Variants in MEP1A observed in about 807,000 individuals in gnomAD.
MEP1A encodes the protein N-benzoyl-L-tyrosyl-P-amino-benzoic acid hydrolase subunit alpha.
A neutral mutation model predicts 84.5 loss-of-function variants in MEP1A; 68 were observed. The ratio of observed to expected loss-of-function variants is 0.80; its 90% CI spans 0.66 to 0.98. The LOEUF (loss-of-function observed/expected upper bound fraction) is 0.98, where lower values mean the gene tolerates loss of function less well. MEP1A is among the 50% of genes least tolerant of loss of function. The pLI is 0.00. For synonymous variants in MEP1A, 337 were observed against 336.8 expected (o/e 1.00, Z -0.01); for missense variants, 887 against 919.9 (o/e 0.96, Z 0.46).
At position 46,799,316 on chromosome 6, in the gene MEP1A, T is replaced by C. The variant is rs569773387; in HGVS notation, c.262+135T>C. On this transcript the variant is annotated intron_variant, in intron 5 of 13. Coordinates refer to ENST00000230588, the MANE Select transcript of MEP1A (RefSeq NM_005588.3). Reference sequence around the variant, plus strand: ...CAAGTCCTGATGCATCTTTATCTAATGGGGAGAAAGACATAACATTACATC... The same window carrying C: ...CAAGTCCTGATGCATCTTTATCTAACGGGGAGAAAGACATAACATTACATC... 8.6e-5 allele frequency: 55 copies of C among 642,262 alleles called. 1 individual carries two copies. The South Asian group carries it at 1.0e-3, about 12-fold the overall frequency. 39.8% of individuals were successfully genotyped at this position (642,262 alleles called of 1,614,324 possible).
chr6:46,844,596 A>G (rs1311612332), downstream of MEP1A, among the ~76,000 whole-genome samples: 1 of 152,178 alleles, frequency 6.6e-6, no homozygotes, highest in African/African-American at 2.4e-5. Flanking sequence ...CAAGAGAATA[A>G]AAGGAGAATA....
chr6:46,799,220 A>ACT (rs748581003), intron 5 of MEP1A, 39 bp downstream of exon 5: 5 of 1,347,896 alleles, frequency 3.7e-6, no homozygotes, highest in Non-Finnish European at 5.3e-6. Flanking sequence ...TTTCAGTTTA[A>ACT]CTCTCTCTCT....
At chr6:46,841,910 T>G (rs1236809494), downstream of MEP1A, among the ~76,000 whole-genome samples, 1 of 152,240 alleles carries the variant, frequency 6.6e-6, no homozygotes, top group African/African-American at 2.4e-5. Context: ...GGACCTCGAA[T>G]GGAGGGACCA....
intron 9 of MEP1A, among the ~76,000 whole-genome samples, chr6:46,828,028 C>T (rs148700354): frequency 2.0e-5 from 3 of 152,254 alleles, no homozygotes; most frequent in East Asian, 3.9e-4. Flanking sequence ...CAGGTGGATG[C>T]GTAGACACAA....
chr6:46,829,947 G>C (rs1201725078), intron 10 of MEP1A, among the ~76,000 whole-genome samples: 3 of 152,044 alleles, frequency 2.0e-5, no homozygotes, highest in Non-Finnish European at 4.4e-5. Flanking sequence ...AATTGATGCT[G>C]CGGGAGAGAG....
At chr6:46,834,494 A>T (rs1768164769) in intron 11 of MEP1A, 84 bp from the exon 12 acceptor site, 1 of 456,560 alleles carries the variant, frequency 2.2e-6, no homozygotes. Context: ...TCTGATTCAC[A>T]AAGCCCTGTA....
rs1453389647 is a variant in MEP1A, at chr6:46,819,686, T to C, written c.538T>C (p.Trp180Arg). The change falls in exon 7 of 14, where the codon TGG becomes CGG. Residue 180 changes from tryptophan (W) to arginine (R), a missense_variant. Transcript: ENST00000230588. Reference protein sequence around the residue: ...TDRDDYVNIWWDQILSGYQHN... With the variant: ...TDRDDYVNIWRDQILSGYQHN... Reference sequence around the variant, plus strand: ...CCGGGATGATTATGTGAACATCTGGTGGGACCAAATTCTTTCAGGTGTGAT... The same window carrying C: ...CCGGGATGATTATGTGAACATCTGGCGGGACCAAATTCTTTCAGGTGTGAT... 1 of 1,613,852 alleles carries C rather than the reference T, an allele frequency of 6.2e-7. No homozygotes were observed.
At chr6:46,830,953 TG>T (rs1768061636) in intron 10 of MEP1A, among the ~76,000 whole-genome samples, 1 of 152,228 alleles carries the variant, frequency 6.6e-6, no homozygotes, top group Admixed American at 6.5e-5. Context: ...ATAATATTGA[TG>T]GGACCTATTA....
intron 13 of MEP1A, among the ~76,000 whole-genome samples, chr6:46,838,362 A>T (rs1768263015): frequency 6.6e-6 from 1 of 152,240 alleles, no homozygotes; most frequent in Non-Finnish European, 1.5e-5. Flanking sequence ...ACCAGATAAC[A>T]TTAAGAAACA....
At chr6:46,845,236 G>T in the MEP1A span, among the ~76,000 whole-genome samples, 7 of 152,190 alleles carry the variant, frequency 4.6e-5, no homozygotes, top group Middle Eastern at 3.2e-3. Context: ...GATCTTCTGG[G>T]AACCTTTCCT....
rs763588618 is a variant in MEP1A at position 46,835,407 on chromosome 6, C to T, written c.1942C>T (p.Pro648Ser). ...ALPVSLSQGQ[P>S]SRQKRSVENT... The stretch of plus-strand genomic sequence containing the variant: ...ACCTGTCAGCCTGAGCCAGGGGCAG[C>T]CCAGCCGACAGAAGCGGTCGGTGGA... Residue 648 changes from proline to serine, a missense_variant, in exon 13 of 14, where the codon CCC (proline) becomes TCC (serine). Transcript: ENST00000230588. 2.5e-6 allele frequency: 4 copies of T among 1,612,236 alleles called. No homozygotes were observed. The highest frequency in any genetic ancestry group is 2.5e-6 in the Non-Finnish European group (3 of 1,179,260).
chr6:46,832,511 A>G (rs1356870846), intron 10 of MEP1A, among the ~76,000 whole-genome samples: 2 of 152,142 alleles, frequency 1.3e-5, no homozygotes, highest in East Asian at 3.9e-4. Flanking sequence ...TTGCTCCCCT[A>G]CATGGTGGAC....
intron 3 of MEP1A, 121 bp downstream of exon 3, chr6:46,793,837 T>C (rs944440803): frequency 6.8e-6 from 5 of 732,440 alleles, no homozygotes; most frequent in Admixed American, 6.7e-5. Context: ...TATTTTTTGG[T>C]GCTTTGTGAG....
chr6:46,827,908 A>G (rs1458883639), intron 9 of MEP1A, among the ~76,000 whole-genome samples: 1 of 152,262 alleles, frequency 6.6e-6, no homozygotes, highest in East Asian at 1.9e-4. Context: ...ACAGCCCAGA[A>G]GAAAGATCTG....
chr6:46,809,443 C>A lies in MEP1A; in HGVS notation c.286C>A (p.Leu96Met). Residue 96 changes from leucine (L) to methionine (M), a missense_variant, in exon 6 of 14, where the codon CTG becomes ATG. Transcript: ENST00000230588. ...NLGLNAKGAI[L>M]YAFEMFRLKS... is the part of the protein sequence containing the mutation. ...AGGGCTGAATGCTAAAGGAGCCATT[C>A]TGTATGCCTTTGAGATGTTCCGTCT... 3.1e-6 allele frequency: 5 copies of A among 1,608,692 alleles called. No individual in the cohort carries two copies. The highest frequency in any genetic ancestry group is 4.2e-6 in the Non-Finnish European group (5 of 1,176,860).
chr6:46,838,900 T>G (rs1283457690), intron 13 of MEP1A, 80 bp from the exon 14 acceptor site: 1 of 1,263,818 alleles, frequency 7.9e-7, no homozygotes, highest in Non-Finnish European at 1.1e-6. Flanking sequence ...GCCATTTTTA[T>G]TGCTGTGGAG....
In MEP1A at chr6:46,826,421, C is replaced by A. The variant is rs1472604950; in HGVS notation, c.846C>A (p.Gly282=). The change falls in exon 9 of 14, where the codon GGC becomes GGA. Residue 282 remains glycine (G), a synonymous_variant. Coordinates refer to ENST00000230588, the MANE Select transcript of MEP1A (RefSeq NM_005588.3). ...CAAACATCTGTGGAATGATTCAGGGCACCAGAGATGACACTGACTGGGCCC... is the reference window on the plus strand; with the variant it reads ...CAAACATCTGTGGAATGATTCAGGGAACCAGAGATGACACTGACTGGGCCC... ...EKANICGMIQ[G]TRDDTDWAHQ... is the part of the protein sequence containing the mutation. 2 of 1,610,040 alleles carry A rather than the reference C, an allele frequency of 1.2e-6. No individual in the cohort carries two copies. The highest frequency in any genetic ancestry group is 1.7e-6 in the Non-Finnish European group (2 of 1,178,052).
rs60287159 is a variant in MEP1A, at chr6:46,807,512, T to TAAAGAAAGAAAG, written c.263-1863_263-1852dup. On this transcript the variant is annotated intron_variant, in intron 5 of 13. Transcript: ENST00000230588. ...AACAAAGTGAGACCCCCATCTGAAA[T>TAAAGAAAGAAAG]AAAGAAAGAAAGAAAGAAAGAAAGA... Among the ~76,000 whole-genome samples, 49 of 49,572 alleles carry TAAAGAAAGAAAG rather than the reference T, an allele frequency of 9.9e-4. 5 individuals are homozygous for TAAAGAAAGAAAG. Among genetic ancestry groups the TAAAGAAAGAAAG allele is most frequent in the East Asian group, 2.2e-3 (4 of 1,800 alleles). 32.5% of individuals were successfully genotyped at this position (49,572 alleles called of 152,430 possible).
intron 5 of MEP1A, among the ~76,000 whole-genome samples, chr6:46,805,138 C>A (rs1389806373): frequency 6.6e-6 from 1 of 151,814 alleles, no homozygotes; most frequent in Admixed American, 6.6e-5. Flanking sequence ...AGTAGCCTTG[C>A]ACATATTCTT....
Sources: allele counts gnomAD v4.1 joint callset (sites outside exome capture counted in the v4.1 genomes callset), GRCh38; gene constraint gnomAD v4.1.1; transcripts MANE v1.5; gene names NCBI Gene and HGNC (gene_info 2026-07-23, HGNC 2026-07-21).